SLC9A9: variants seen among roughly 807,000 people sequenced by gnomAD.
SLC9A9 encodes the protein sodium/hydrogen exchanger 9.
A neutral mutation model predicts 77.8 loss-of-function variants in SLC9A9; 62 were observed. The ratio of observed to expected loss-of-function variants is 0.80; its 90% CI spans 0.65 to 0.98. The LOEUF is 0.98. Among genes scored for constraint, SLC9A9 ranks in the 50% least tolerant of loss-of-function variants. The probability of loss-of-function intolerance (pLI) is 0.00; values close to 1 mark genes in which losing one functional copy is unlikely to be tolerated. For missense variants in SLC9A9, 775 were observed against 774.9 expected, an observed-to-expected ratio of 1.00 and a Z score of 0.00; for synonymous variants, 320 against 283.5, an observed-to-expected ratio of 1.13 and a Z score of -1.29.
chr3:143,726,426 C>T (rs1291325572), intron 4 of SLC9A9, among the ~76,000 whole-genome samples: 1 of 152,052 alleles, frequency 6.6e-6, no homozygotes, highest in African/African-American at 2.4e-5. Context: ...TAACTGTACA[C>T]TTAAAATGGG....
intron 6 of SLC9A9, among the ~76,000 whole-genome samples, chr3:143,592,003 C>T (rs12108072): frequency 0.15 from 22,246 of 152,182 alleles, 1,803 homozygotes; most frequent in African/African-American, 0.2. Context: ...GTAAACTGAA[C>T]ATTTGTAAAT....
At chr3:143,627,052 T>G (rs986547922) in intron 6 of SLC9A9, 2 of 152,364 alleles carry the variant, frequency 1.3e-5, no homozygotes, top group South Asian at 2.1e-4. Context: ...TTTGTATTTT[T>G]AGTAGCGATT....
chr3:143,638,991 A>T (rs2038576316), intron 6 of SLC9A9, among the ~76,000 whole-genome samples: 1 of 152,224 alleles, frequency 6.6e-6, no homozygotes, highest in Non-Finnish European at 1.5e-5. Flanking sequence ...TTCTCTGGAA[A>T]GTTTTTTCTT....
intron 4 of SLC9A9, among the ~76,000 whole-genome samples, chr3:143,773,891 G>A (rs1405945399): frequency 6.6e-6 from 1 of 152,154 alleles, no homozygotes; most frequent in African/African-American, 2.4e-5. Flanking sequence ...GAGGTTCATT[G>A]CATCCCTGTC....
chr3:143,372,185 A>G (rs1484479761), intron 13 of SLC9A9, among the ~76,000 whole-genome samples: 1 of 152,146 alleles, frequency 6.6e-6, no homozygotes, highest in Non-Finnish European at 1.5e-5. Context: ...CAAAATAACT[A>G]CCGTTTTTCA....
chr3:143,307,419 T>C (rs147950713), intron 14 of SLC9A9, among the ~76,000 whole-genome samples: 73 of 152,380 alleles, frequency 4.8e-4, no homozygotes, highest in Middle Eastern at 3.4e-3. Flanking sequence ...TACTGAATTC[T>C]GCACATATGA....
chr3:143,548,501 G>C (rs559068193), intron 9 of SLC9A9, among the ~76,000 whole-genome samples: 2 of 152,278 alleles, frequency 1.3e-5, no homozygotes, highest in South Asian at 2.1e-4. Flanking sequence ...TACAGTATCT[G>C]TCTGTCTCTA....
chr3:143,451,308 G>A (rs1723028), intron 12 of SLC9A9, among the ~76,000 whole-genome samples: 72,882 of 152,032 alleles, frequency 0.48, 18,021 homozygotes, highest in African/African-American at 0.59. Context: ...GTCTTAAGCA[G>A]TTTCTTCCAA....
At chr3:143,665,042 G>A (rs1315728981) in intron 5 of SLC9A9, among the ~76,000 whole-genome samples, 1 of 152,192 alleles carries the variant, frequency 6.6e-6, no homozygotes, top group African/African-American at 2.4e-5. Flanking sequence ...ATTCTTCTCA[G>A]CACCACATCA....
At chr3:143,693,139 C>A in intron 5 of SLC9A9, 53 bp downstream of exon 5, 1 of 1,370,350 alleles carries the variant, frequency 7.3e-7, no homozygotes, top group Non-Finnish European at 1.0e-6. Context: ...GAGAAACATT[C>A]AATTTAAATG....
intron 9 of SLC9A9, among the ~76,000 whole-genome samples, chr3:143,541,022 A>G (rs558388407): frequency 1.3e-5 from 2 of 152,324 alleles, no homozygotes; most frequent in South Asian, 4.1e-4. Flanking sequence ...CAAAAATGGC[A>G]TTGGGTCTCC....
At chr3:143,460,477 C>T (rs991315498) in intron 12 of SLC9A9, among the ~76,000 whole-genome samples, 24 of 152,012 alleles carry the variant, frequency 1.6e-4, no homozygotes, top group African/African-American at 5.5e-4. Flanking sequence ...ACATCTATTA[C>T]TTAAAGTAAG....
At chr3:143,382,173 T>C (rs368387667) in intron 12 of SLC9A9, 59 bp from the exon 13 acceptor site, 34 of 1,575,950 alleles carry the variant, frequency 2.2e-5, no homozygotes, top group Non-Finnish European at 3.0e-5. Context: ...GAGACAGTCT[T>C]GTGTGTCAGA....
intron 12 of SLC9A9, among the ~76,000 whole-genome samples, chr3:143,441,882 TCATCCATCCATCTCTACTCATC>T (rs1411073264): frequency 7.0e-6 from 1 of 142,786 alleles, no homozygotes; most frequent in African/African-American, 2.6e-5. Context: ...ATCCATCCAC[TCATCCATCCATCTCTACTCATC>T]CATCCATCCA....
At chr3:143,648,356 C>T (rs2038737980) in intron 6 of SLC9A9, among the ~76,000 whole-genome samples, 1 of 152,256 alleles carries the variant, frequency 6.6e-6, no homozygotes, top group East Asian at 1.9e-4. Flanking sequence ...ATTCCTCAGG[C>T]ATTAGACGCT....
chr3:143,590,147 G>A (rs1438417704), intron 6 of SLC9A9, among the ~76,000 whole-genome samples: 1 of 152,172 alleles, frequency 6.6e-6, no homozygotes, highest in Non-Finnish European at 1.5e-5. Context: ...ATCCTACGCA[G>A]TTTGTCCTGT....
chr3:143,314,240 C>T (rs1475677856), intron 14 of SLC9A9: 2 of 152,172 alleles, frequency 1.3e-5, no homozygotes, highest in Admixed American at 1.3e-4. Context: ...ACATTAATAC[C>T]TTATGTGGAT....
chr3:143,467,584 T>G (rs188385995), intron 11 of SLC9A9, among the ~76,000 whole-genome samples: 1 of 147,632 alleles, frequency 6.8e-6, no homozygotes, highest in Non-Finnish European at 1.5e-5. Context: ...TCTCTACAGA[T>G]TTTTTTTTAA....
intron 2 of SLC9A9, among the ~76,000 whole-genome samples, chr3:143,818,493 G>A: frequency 6.6e-6 from 1 of 152,056 alleles, no homozygotes; most frequent in Non-Finnish European, 1.5e-5. Flanking sequence ...TTTCAGTAGA[G>A]ACTGGGTTTC....
Sources: gnomAD v4.1 joint callset for allele counts (sites outside exome capture counted in the v4.1 genomes callset) on GRCh38, gnomAD v4.1.1 for gene constraint, MANE v1.5 for transcripts, NCBI Gene and HGNC (gene_info 2026-07-23, HGNC 2026-07-21) for gene names.